The following GRID2 variants were observed in gnomAD, a reference collection of about 807,000 sequenced individuals.
GRID2 encodes the protein glutamate receptor ionotropic, delta-2.
A neutral mutation model predicts 114.8 loss-of-function variants in GRID2; 33 were observed. That is an observed-to-expected ratio of 0.29 (90% CI 0.22 to 0.38). GRID2 has a LOEUF of 0.38. Ranked by LOEUF, GRID2 falls within the 10% of genes least tolerant of loss-of-function variation. GRID2 has a pLI of 1.00. For missense variants in GRID2, 1,184 were observed against 1,257.7 expected, an observed-to-expected ratio of 0.94 and a Z score of 0.89; for synonymous variants, 505 against 449.9, an observed-to-expected ratio of 1.12 and a Z score of -1.55.
At chr4:93,628,268 A>G (rs1445130067) in intron 14 of GRID2, among the ~76,000 whole-genome samples, 1 of 152,214 alleles carries the variant, frequency 6.6e-6, no homozygotes, top group African/African-American at 2.4e-5. Context: ...AGCACTTGGC[A>G]TCTAGTTGGA....
chr4:93,741,539 G>A (rs1731418051), intron 14 of GRID2, among the ~76,000 whole-genome samples: 1 of 152,050 alleles, frequency 6.6e-6, no homozygotes, highest in Admixed American at 6.5e-5. Context: ...GTTAAATAAT[G>A]AAATGCTGGC....
intron 1 of GRID2, among the ~76,000 whole-genome samples, chr4:93,797,760 G>A (rs1043641698): frequency 1.3e-5 from 2 of 149,826 alleles, no homozygotes; most frequent in Non-Finnish European, 3.0e-5. Context: ...GAGAGAGAAT[G>A]TTAGCTCTGG....
intron 2 of GRID2, among the ~76,000 whole-genome samples, chr4:92,931,522 A>G (rs1750234871): frequency 1.3e-5 from 2 of 150,822 alleles, no homozygotes; most frequent in South Asian, 4.2e-4. Flanking sequence ...AAATATTGGG[A>G]TACATGAAGT....
intron 2 of GRID2, among the ~76,000 whole-genome samples, chr4:92,768,152 A>T (rs1044077298): frequency 2.0e-5 from 3 of 152,144 alleles, no homozygotes; most frequent in Non-Finnish European, 4.4e-5. Flanking sequence ...TAACCACAAA[A>T]CCCTTTCAAG....
At chr4:93,549,225 A>G (rs1241050719) in intron 13 of GRID2, among the ~76,000 whole-genome samples, 1 of 152,332 alleles carries the variant, frequency 6.6e-6, no homozygotes, top group South Asian at 2.1e-4. Context: ...GAAAAATGAA[A>G]GAGTCAAAAA....
chr4:93,023,741 G>A (rs903671373), intron 2 of GRID2, among the ~76,000 whole-genome samples: 10 of 151,578 alleles, frequency 6.6e-5, no homozygotes, highest in Non-Finnish European at 1.0e-4. Flanking sequence ...AAAACACGTC[G>A]GAATATGATG....
chr4:92,779,484 T>G (rs1213112840), intron 2 of GRID2, among the ~76,000 whole-genome samples: 2 of 151,996 alleles, frequency 1.3e-5, no homozygotes, highest in Non-Finnish European at 2.9e-5. Flanking sequence ...GACAGATGAG[T>G]TTATTCTCTC....
At chr4:92,750,080 T>G (rs1578141666) in intron 2 of GRID2, among the ~76,000 whole-genome samples, 1 of 152,198 alleles carries the variant, frequency 6.6e-6, no homozygotes, top group East Asian at 1.9e-4. Flanking sequence ...AGACCGGTCT[T>G]GAACTCCCGA....
intron 4 of GRID2, among the ~76,000 whole-genome samples, chr4:93,156,535 C>T (rs905423937): frequency 6.6e-6 from 1 of 151,600 alleles, no homozygotes; most frequent in Non-Finnish European, 1.5e-5. Flanking sequence ...GTTGACAGAT[C>T]ATGGTGTTTG....
Position 93,453,316 on chromosome 4 carries a change from A to AGAGAG in GRID2, c.1546-2346_1546-2345insGAGAG, listed in dbSNP as rs1553932509. Among the ~76,000 whole-genome samples, 6 of 127,294 alleles carry AGAGAG rather than the reference A, an allele frequency of 4.7e-5. No individual in the cohort carries two copies. The East Asian group carries it at 1.8e-3, about 39-fold the overall frequency. The allele number at this position is 127,294 out of a possible 152,430, so 83.5% of individuals were successfully genotyped here. On this transcript the variant is annotated intron_variant, in intron 10 of 15. Coordinates refer to ENST00000282020, the MANE Select transcript of GRID2 (RefSeq NM_001510.4). ...GACTATACAAAACTCAGAGATGGGAAAGAGAGAGAGAGAGAGAGAGAGAGA... is the reference window on the plus strand; with the variant it reads ...GACTATACAAAACTCAGAGATGGGAAGAGAGAGAGAGAGAGAGAGAGAGAGAGAGA...
chr4:92,984,769 CT>C (rs1261130163), intron 2 of GRID2, among the ~76,000 whole-genome samples: 304 of 143,284 alleles, frequency 2.1e-3, no homozygotes, highest in Middle Eastern at 7.3e-3. Context: ...TATTCAACTT[CT>C]TTTTTTTTTT....
chr4:93,470,898 C>A (rs4693322), intron 11 of GRID2, among the ~76,000 whole-genome samples: 35,860 of 151,738 alleles, frequency 0.24, 5,392 homozygotes, highest in Non-Finnish European at 0.34. Context: ...GTTATATTTT[C>A]TTTTCTGTTA....
intron 2 of GRID2, among the ~76,000 whole-genome samples, chr4:93,022,281 G>A (rs1195190014): frequency 6.6e-6 from 1 of 151,750 alleles, no homozygotes; most frequent in Non-Finnish European, 1.5e-5. Context: ...CATATATAAT[G>A]AGGGAAAGAA....
chr4:93,536,413 C>T (rs1462135168), intron 13 of GRID2, among the ~76,000 whole-genome samples: 2 of 151,724 alleles, frequency 1.3e-5, no homozygotes, highest in African/African-American at 2.4e-5. Flanking sequence ...CATATACAGT[C>T]AACTAATTTT....
intron 14 of GRID2, among the ~76,000 whole-genome samples, chr4:93,666,599 A>C (rs1723968012): frequency 6.6e-6 from 1 of 152,084 alleles, no homozygotes; most frequent in South Asian, 2.1e-4. Flanking sequence ...GTAGGTTCAG[A>C]GGACAGTAAG....
chr4:93,494,968 C>G (rs1344886846), intron 12 of GRID2, among the ~76,000 whole-genome samples: 1 of 151,696 alleles, frequency 6.6e-6, no homozygotes, highest in East Asian at 2.0e-4. Flanking sequence ...CTACCTAGTT[C>G]ACATAAAAGT....
At chr4:93,569,990 A>G (rs1032713112) in intron 13 of GRID2, among the ~76,000 whole-genome samples, 2 of 152,206 alleles carry the variant, frequency 1.3e-5, no homozygotes, top group Non-Finnish European at 2.9e-5. Flanking sequence ...TTACTTATTG[A>G]CATGCTCTCA....
At chr4:93,735,929 G>A (rs916060502) in intron 14 of GRID2, among the ~76,000 whole-genome samples, 5 of 151,828 alleles carry the variant, frequency 3.3e-5, no homozygotes, top group Non-Finnish European at 7.4e-5. Flanking sequence ...TACTATGCAG[G>A]GAAACTAATT....
chr4:93,022,432 A>T (rs1723460220), intron 2 of GRID2, among the ~76,000 whole-genome samples: 1 of 151,886 alleles, frequency 6.6e-6, no homozygotes, highest in Admixed American at 6.6e-5. Context: ...GTATTGGTAT[A>T]CATTTAAATT....
Sources: allele counts gnomAD v4.1 joint callset (sites outside exome capture counted in the v4.1 genomes callset), GRCh38; gene constraint gnomAD v4.1.1; transcripts MANE v1.5; gene names NCBI Gene and HGNC (gene_info 2026-07-23, HGNC 2026-07-21).